Variants in MED13L observed in about 807,000 individuals in gnomAD.
MED13L encodes mediator of RNA polymerase II transcription subunit 13-like.
In MED13L, 7 loss-of-function variants were observed where a neutral mutation model predicts 220.9. The observed-to-expected ratio is 0.03, with a 90% CI of 0.02 to 0.06. MED13L has a LOEUF of 0.06. Ranked by LOEUF, MED13L falls within the 10% of genes least tolerant of loss-of-function variation. The pLI is 1.00. For missense variants in MED13L, 1,965 were observed against 2,760.5 expected (o/e 0.71, Z 6.46); for synonymous variants, 1,011 against 1,015.2 (o/e 1.00, Z 0.08).
At position 116,006,337 on chromosome 12, in the gene MED13L, G is replaced by T. The variant is rs753109095; in HGVS notation, c.2313C>A (p.Ala771=). The T allele has an allele frequency of 6.2e-7, 1 of 1,613,938 alleles. No homozygotes were observed. Among genetic ancestry groups the T allele is most frequent in the South Asian group, 1.1e-5 (1 of 91,076 alleles). ...TAGTAGCAGAACTGAAAATAGACAT[G>T]GCATTTTTCCCATCAGGCACCGGCG... ...HSTPVPDGKN[A]MSIFSSATKT... Residue 771 remains alanine (A), a synonymous_variant, in exon 12 of 31, where the codon GCC becomes GCA. Transcript: ENST00000281928.
chr12:116,015,373 G>C lies in MED13L; in HGVS notation c.1010-99C>G, dbSNP rs1277938695. On this transcript the variant is annotated intron_variant, in intron 7 of 30. Transcript: ENST00000281928. The stretch of plus-strand genomic sequence containing the variant: ...AACATAAATATGCATTTTAATTGTT[G>C]AAAGTCATATACATAGCTTTTTCCC... 3.0e-5 allele frequency: 39 copies of C among 1,294,132 alleles called. 1 individual carries two copies. The East Asian group carries it at 9.1e-4, about 30-fold the overall frequency. The allele number at this position is 1,294,132 out of a possible 1,614,324, so 80.2% of individuals were successfully genotyped here. A position where few individuals can be genotyped will look rare whatever the true frequency, so the allele number is the denominator to read the frequency against.
intron 3 of MED13L, among the ~76,000 whole-genome samples, chr12:116,106,560 T>C (rs1873591599): frequency 6.6e-6 from 1 of 152,140 alleles, no homozygotes; most frequent in African/African-American, 2.4e-5. Context: ...AAAGATATTA[T>C]AAGGCTGGGT....
chr12:116,051,817 A>T (rs1384742110), intron 4 of MED13L, among the ~76,000 whole-genome samples: 1 of 152,300 alleles, frequency 6.6e-6, no homozygotes, highest in East Asian at 1.9e-4. Flanking sequence ...TCATGTGGGC[A>T]CTCAAAAAGT....
At chr12:116,054,828 T>A (rs1375209133) in intron 4 of MED13L, among the ~76,000 whole-genome samples, 4 of 152,220 alleles carry the variant, frequency 2.6e-5, no homozygotes, top group Non-Finnish European at 5.9e-5. Context: ...TGCCTGCTAC[T>A]CTGTGTTTCA....
intron 4 of MED13L, among the ~76,000 whole-genome samples, chr12:116,091,575 G>C (rs868823324): frequency 1.3e-5 from 2 of 152,148 alleles, no homozygotes; most frequent in Admixed American, 6.5e-5. Context: ...TTAAGTGTTT[G>C]TCTGCTCCCT....
chr12:116,032,450 C>T (rs956436459), intron 4 of MED13L, among the ~76,000 whole-genome samples: 5 of 152,140 alleles, frequency 3.3e-5, no homozygotes, highest in African/African-American at 1.2e-4. Flanking sequence ...CCTCCAATGG[C>T]CCAGTAATCC....
Position 116,105,531 on chromosome 12 carries a change from T to A in MED13L, c.395+5897A>T, listed in dbSNP as rs529805796. Among the ~76,000 whole-genome samples the A allele has an allele frequency of 4.5e-4, 69 of 152,306 alleles. No homozygotes were observed. The South Asian group carries it at 0.011, about 23-fold the overall frequency. On this transcript the variant is annotated intron_variant, in intron 3 of 30. Coordinates refer to ENST00000281928, the MANE Select transcript of MED13L (RefSeq NM_015335.5). ...ACTATAAAATTCAGAATGTATACTC[T>A]CAGATACTGAAATTCTGACAAATTA...
At chr12:116,040,348 C>G (rs979409426) in intron 4 of MED13L, among the ~76,000 whole-genome samples, 1 of 152,052 alleles carries the variant, frequency 6.6e-6, no homozygotes, top group African/African-American at 2.4e-5. Flanking sequence ...CTATTTGAAT[C>G]AAATTATCAT....
Position 115,966,107 on chromosome 12 carries a change from T to C in MED13L, c.6362A>G (p.Gln2121Arg). The C allele has an allele frequency of 6.2e-7, 1 of 1,614,172 alleles. No homozygotes were observed. Among genetic ancestry groups the C allele is most frequent in the East Asian group, 2.2e-5 (1 of 44,882 alleles). Residue 2121 changes from glutamine to arginine, a missense_variant, in exon 29 of 31, where the codon CAA becomes CGA. Gln to Arg is a conservative substitution (Grantham distance 43). Transcript: ENST00000281928. ...QWFWSSCPQA[Q>R]NQCPLFLKAS... The stretch of plus-strand genomic sequence containing the variant: ...CTTTAAGAAGAGAGGGCACTGGTTT[T>C]GAGCCTGGGGACACGATGACCAAAA...
intron 2 of MED13L, among the ~76,000 whole-genome samples, chr12:116,154,819 T>C (rs888049469): frequency 1.3e-5 from 2 of 152,014 alleles, no homozygotes; most frequent in Non-Finnish European, 2.9e-5. Context: ...AATTGTGTGT[T>C]GATGGTGGTG....
At chr12:116,239,996 T>C (rs1870471677) in intron 1 of MED13L, among the ~76,000 whole-genome samples, 1 of 152,198 alleles carries the variant, frequency 6.6e-6, no homozygotes, top group Non-Finnish European at 1.5e-5. Flanking sequence ...TAAAAGACAG[T>C]GTCTGGGACA....
At chr12:116,236,968 A>C in intron 2 of MED13L, 1 of 570,622 alleles carries the variant, frequency 1.8e-6, no homozygotes, top group Non-Finnish European at 2.2e-6. Context: ...ACCAGATCCC[A>C]TATATTCATC....
rs547163389 is a variant in MED13L at position 116,183,080 on chromosome 12, G to A, written c.310+54388C>T. ...AAAAAAAATGACCAAAAATTGCTTC[G>A]AGAAAAGCTGATTTAAATGTACCAA... On this transcript the variant is annotated intron_variant, in intron 2 of 30. Coordinates refer to ENST00000281928, the MANE Select transcript of MED13L (RefSeq NM_015335.5). 2.0e-3 allele frequency among the ~76,000 whole-genome samples: 302 copies of A among 152,164 alleles called. 1 individual carries two copies. Among genetic ancestry groups the A allele is most frequent in the African/African-American group, 6.9e-3 (286 of 41,502 alleles).
chr12:116,004,626 T>C (rs1878935950), intron 13 of MED13L, among the ~76,000 whole-genome samples: 1 of 152,066 alleles, frequency 6.6e-6, no homozygotes, highest in Admixed American at 6.6e-5. Flanking sequence ...CTGTTCCTTA[T>C]CCCTGAAAGC....
At chr12:116,187,983 T>C (rs1351735024) in intron 2 of MED13L, among the ~76,000 whole-genome samples, 1 of 152,098 alleles carries the variant, frequency 6.6e-6, no homozygotes, top group African/African-American at 2.4e-5. Flanking sequence ...TGTAAGTCCC[T>C]GCAGAATTTC....
chr12:116,172,849 T>C (rs902371261), intron 2 of MED13L, among the ~76,000 whole-genome samples: 12 of 149,754 alleles, frequency 8.0e-5, no homozygotes, highest in African/African-American at 3.0e-4. Flanking sequence ...TTAGTTTCCA[T>C]CCTTCCTGCC....
chr12:116,089,602 T>C (rs1299369833), intron 4 of MED13L, among the ~76,000 whole-genome samples: 5 of 152,192 alleles, frequency 3.3e-5, no homozygotes, highest in Admixed American at 1.3e-4. Context: ...GGAAAATTAA[T>C]TTATACTTAG....
intron 2 of MED13L, among the ~76,000 whole-genome samples, chr12:116,115,675 A>C (rs1391517139): frequency 6.6e-6 from 1 of 152,198 alleles, no homozygotes; most frequent in Non-Finnish European, 1.5e-5. Flanking sequence ...ACCAAAAAAA[A>C]ACAATTTTTT....
At chr12:116,103,533 T>C (rs1873274928) in intron 3 of MED13L, among the ~76,000 whole-genome samples, 1 of 152,184 alleles carries the variant, frequency 6.6e-6, no homozygotes, top group South Asian at 2.1e-4. Flanking sequence ...GCAATCCTCC[T>C]GACTCAGCCT....
Sources: gnomAD v4.1 joint callset for allele counts (sites outside exome capture counted in the v4.1 genomes callset) on GRCh38, gnomAD v4.1.1 for gene constraint, MANE v1.5 for transcripts, NCBI Gene and HGNC (gene_info 2026-07-23, HGNC 2026-07-21) for gene names.